Variants in EFNB3 observed in about 807,000 individuals in gnomAD.
EFNB3 encodes ephrin B3.
A neutral mutation model predicts 29.8 loss-of-function variants in EFNB3; 14 were observed. That is an observed-to-expected ratio of 0.47 (90% confidence interval 0.31 to 0.73). EFNB3 has a LOEUF of 0.73. EFNB3 is among the 30% of genes least tolerant of loss of function. The probability of loss-of-function intolerance (pLI) is 0.05; values close to 1 mark genes in which losing one functional copy is unlikely to be tolerated. For synonymous variants in EFNB3, 216 were observed against 191.6 expected, an observed-to-expected ratio of 1.13 and a Z score of -1.05; for missense variants, 408 against 458.0, an observed-to-expected ratio of 0.89 and a Z score of 1.00.
intron 1 of EFNB3, among the ~76,000 whole-genome samples, chr17:7,706,642 G>A (rs2074328584): frequency 6.6e-6 from 1 of 152,192 alleles, no homozygotes; most frequent in Non-Finnish European, 1.5e-5. Context: ...CATGGGAAGG[G>A]GGTGGGCTTT....
Position 7,705,807 on chromosome 17 carries a change from A to T in EFNB3, c.122+87A>T, listed in dbSNP as rs1013397038. ...GGCTTGGAGGCGGGCTTCTGTGGGC[A>T]GGGAGGAGGCGGGAGGGAAGGTGCT... On this transcript the variant is annotated intron_variant, in intron 1 of 4. Coordinates refer to ENST00000226091, the MANE Select transcript of EFNB3 (RefSeq NM_001406.4). This position sits in a 1 kb window ranked among gnomAD's most constrained non-coding sequence, Gnocchi z 5.4. 5 of 1,454,990 alleles carry T rather than the reference A, an allele frequency of 3.4e-6. No individual in the cohort carries two copies. The highest frequency in any genetic ancestry group is 3.0e-5 in the African/African-American group (2 of 66,676). The allele number at this position is 1,454,990 out of a possible 1,614,324, so 90.1% of individuals were successfully genotyped here.
In EFNB3 at chr17:7,705,389, G is replaced by T. The variant is rs370872522; in HGVS notation, c.-210G>T. The T allele has an allele frequency of 3.0e-4, 118 of 389,854 alleles. 2 individuals carry two copies. The South Asian group carries it at 6.7e-3, about 22-fold the overall frequency. 24.1% of individuals were successfully genotyped at this position (389,854 alleles called of 1,614,324 possible). A position where few individuals can be genotyped will look rare whatever the true frequency, so the allele number is the denominator to read the frequency against. ...CGCGTGGGCCGGGGGCGCGTAGGGCGCCTGCAGACGGCCCCTGGAAGGGCT... is the reference window on the plus strand; with the variant it reads ...CGCGTGGGCCGGGGGCGCGTAGGGCTCCTGCAGACGGCCCCTGGAAGGGCT... On this transcript the variant is annotated 5_prime_UTR_variant, in exon 1 of 5. Transcript: ENST00000226091. This position sits in a 1 kb window ranked among gnomAD's most constrained non-coding sequence, Gnocchi z 5.4.
intron 1 of EFNB3, among the ~76,000 whole-genome samples, 156 bp from the exon 2 acceptor site, chr17:7,707,802 G>A (rs975019470): frequency 4.6e-5 from 7 of 152,162 alleles, no homozygotes; most frequent in African/African-American, 2.4e-5. Flanking sequence ...AGTCCTTGGT[G>A]CCTGCTCTAT....
Position 7,709,388 on chromosome 17 carries a change from G to A in EFNB3, c.835G>A (p.Gly279Ser). ...GAGGGGAGGGTCTCTGGGCCTGGGG[G>A]GTGGAGGTGGGATGGGACCTCGGGA... ...FGRGGSLGLG[G>S]GGGMGPREAE... Residue 279 changes from glycine (G) to serine (S), a missense_variant, in exon 5 of 5, where the codon GGT becomes AGT. Physicochemically the swap from Gly to Ser is moderately conservative, Grantham distance 56. Around this residue, in one of 3 missense-constraint regions of EFNB3, gnomAD observed 233 missense variants for 230.7 expected, o/e 1.01. Coordinates refer to ENST00000226091, the MANE Select transcript of EFNB3 (RefSeq NM_001406.4). This position sits in a 1 kb window ranked among gnomAD's most constrained non-coding sequence, Gnocchi z 4.5. The A allele has an allele frequency of 1.9e-6, 3 of 1,597,266 alleles. No homozygotes were observed. The highest frequency in any genetic ancestry group is 1.1e-5 in the South Asian group (1 of 89,392).
Position 7,705,457 on chromosome 17 carries a change from A to G in EFNB3, c.-142A>G. The G allele has an allele frequency of 3.9e-6, 2 of 517,770 alleles. No individual in the cohort carries two copies. The highest frequency in any genetic ancestry group is 3.3e-6 in the Non-Finnish European group (1 of 301,404). The allele number at this position is 517,770 out of a possible 1,614,324, so 32.1% of individuals were successfully genotyped here. Reference sequence around the variant, plus strand: ...TCTGCCGCGGGGGCGCGGGCACAGCAGGAAGCAGGTCCGCGTGGGCGCTGG... The same window carrying G: ...TCTGCCGCGGGGGCGCGGGCACAGCGGGAAGCAGGTCCGCGTGGGCGCTGG... On this transcript the variant is annotated 5_prime_UTR_variant, in exon 1 of 5. Coordinates refer to ENST00000226091, the MANE Select transcript of EFNB3 (RefSeq NM_001406.4). The surrounding 1 kb of genome is among the most constrained non-coding windows in gnomAD (Gnocchi z 5.4).
At position 7,709,233 on chromosome 17, in the gene EFNB3, C is replaced by A. The variant is rs1225183366; in HGVS notation, c.680C>A (p.Ala227Glu). 1 of 1,602,244 alleles carries A rather than the reference C, an allele frequency of 6.2e-7. No individual in the cohort carries two copies. The highest frequency in any genetic ancestry group is 1.1e-5 in the South Asian group (1 of 90,382). ...EGPLPPPSMP[A>E]VAGAAGGLAL... ...CCCCTGCCCCCTCCCAGCATGCCTGCAGTGGCTGGGGCAGCAGGGGGGCTG... is the reference window on the plus strand; with the variant it reads ...CCCCTGCCCCCTCCCAGCATGCCTGAAGTGGCTGGGGCAGCAGGGGGGCTG... The change falls in exon 5 of 5, where the codon GCA (alanine) becomes GAA (glutamate). Residue 227 changes from alanine (A) to glutamate (E), a missense_variant. Physicochemically the swap from Ala to Glu is moderately radical, Grantham distance 107. Around this residue, in one of 3 missense-constraint regions of EFNB3, gnomAD observed 233 missense variants for 230.7 expected, o/e 1.01. Transcript: ENST00000226091. This position sits in a 1 kb window ranked among gnomAD's most constrained non-coding sequence, Gnocchi z 4.5.
At position 7,708,821 on chromosome 17, in the gene EFNB3, C is replaced by T; in HGVS notation, c.613+82C>T. 7.7e-7 allele frequency: 1 copy of T among 1,291,146 alleles called. No individual in the cohort carries two copies. Among genetic ancestry groups the T allele is most frequent in the Non-Finnish European group, 1.1e-6 (1 of 950,556 alleles). The allele number at this position is 1,291,146 out of a possible 1,614,324, so 80.0% of individuals were successfully genotyped here. A position where few individuals can be genotyped will look rare whatever the true frequency, so the allele number is the denominator to read the frequency against. ...AGCTGCCCTGCCGTCACCCTCCCTCCCTCTTCAGTTTTGGGGGCGGTGATA... is the reference window on the plus strand; with the variant it reads ...AGCTGCCCTGCCGTCACCCTCCCTCTCTCTTCAGTTTTGGGGGCGGTGATA... On this transcript the variant is annotated intron_variant, in intron 4 of 4. Transcript: ENST00000226091. The surrounding 1 kb of genome is among the most constrained non-coding windows in gnomAD (Gnocchi z 6.8).
chr17:7,709,932 G>A lies in EFNB3; in HGVS notation c.*356G>A, dbSNP rs1026711448. 3.0e-5 allele frequency: 12 copies of A among 393,966 alleles called. No individual in the cohort carries two copies. The highest frequency in any genetic ancestry group is 1.1e-4 in the African/African-American group (5 of 46,612). The allele number at this position is 393,966 out of a possible 1,614,324, so 24.4% of individuals were successfully genotyped here. On this transcript the variant is annotated 3_prime_UTR_variant, in exon 5 of 5. Coordinates refer to ENST00000226091, the MANE Select transcript of EFNB3 (RefSeq NM_001406.4). This position sits in a 1 kb window ranked among gnomAD's most constrained non-coding sequence, Gnocchi z 4.5. The stretch of plus-strand genomic sequence containing the variant: ...AACAGCCCACCTTTTGGTTGGCACC[G>A]CCTTCTTTCTGCCTCTCACTGGTTT...
chr17:7,710,446 C>T lies in EFNB3; in HGVS notation c.*870C>T, dbSNP rs1446380755. 5 of 152,756 alleles carry T rather than the reference C, an allele frequency of 3.3e-5. No individual in the cohort carries two copies. The highest frequency in any genetic ancestry group is 7.2e-5 in the African/African-American group (3 of 41,470). 9.5% of individuals were successfully genotyped at this position (152,756 alleles called of 1,614,324 possible). ...GCTCCAGACAAGAGGTGACCAGGCC[C>T]GGACAGAAATGGCCTGGGAAGTAGC... On this transcript the variant is annotated 3_prime_UTR_variant, in exon 5 of 5. Coordinates refer to ENST00000226091, the MANE Select transcript of EFNB3 (RefSeq NM_001406.4).
Position 7,709,368 on chromosome 17 carries a change from G to A in EFNB3, c.815G>A (p.Gly272Glu). ...RHPGPGSFGRGGSLGLGGGGG... is the reference protein window; with the variant it reads ...RHPGPGSFGREGSLGLGGGGG... ...CCTGGTCCTGGCTCCTTCGGGAGGG[G>A]AGGGTCTCTGGGCCTGGGGGGTGGA... Residue 272 changes from glycine (G) to glutamate (E), a missense_variant, in exon 5 of 5, where the codon GGA (glycine) becomes GAA (glutamate). Physicochemically the swap from Gly to Glu is moderately conservative, Grantham distance 98. Around this residue, in one of 3 missense-constraint regions of EFNB3, gnomAD observed 233 missense variants for 230.7 expected, o/e 1.01. Transcript: ENST00000226091. The surrounding 1 kb of genome is among the most constrained non-coding windows in gnomAD (Gnocchi z 4.5). The A allele has an allele frequency of 6.3e-7, 1 of 1,580,958 alleles. No individual in the cohort carries two copies. The highest frequency in any genetic ancestry group is 1.1e-5 in the South Asian group (1 of 87,062).
rs1411265500 is a variant in EFNB3 at position 7,709,109 on chromosome 17, G to A, written c.614-58G>A. ...GACCCCCAGGGTTGGGTGTCCAGGT[G>A]CCCAGGTGGCTCCTTCAGTCCCTCC... is the stretch of plus-strand genomic sequence containing the variant. On this transcript the variant is annotated intron_variant, in intron 4 of 4. Coordinates refer to ENST00000226091, the MANE Select transcript of EFNB3 (RefSeq NM_001406.4). This position sits in a 1 kb window ranked among gnomAD's most constrained non-coding sequence, Gnocchi z 4.5. 3 of 1,546,040 alleles carry A rather than the reference G, an allele frequency of 1.9e-6. No homozygotes were observed. Among genetic ancestry groups the A allele is most frequent in the East Asian group, 2.3e-5 (1 of 44,204 alleles).
At chr17:7,706,633 A>T (rs1216284102) in intron 1 of EFNB3, among the ~76,000 whole-genome samples, 4 of 152,166 alleles carry the variant, frequency 2.6e-5, no homozygotes, top group Non-Finnish European at 4.4e-5. Flanking sequence ...GTGTGAGGCC[A>T]TGGGAAGGGG....
At chr17:7,707,833 G>A in intron 1 of EFNB3, 125 bp from the exon 2 acceptor site, 1 of 1,131,078 alleles carries the variant, frequency 8.8e-7, no homozygotes, top group Non-Finnish European at 1.3e-6. Context: ...TTTCCACTCA[G>A]ACAAAGGCGG....
chr17:7,708,143 C>T lies in EFNB3; in HGVS notation c.308C>T (p.Thr103Ile). 1 of 1,614,094 alleles carries T rather than the reference C, an allele frequency of 6.2e-7. No homozygotes were observed. The highest frequency in any genetic ancestry group is 1.1e-5 in the South Asian group (1 of 91,084). The part of the protein sequence containing the change: ...EAPPAPNLLL[T>I]CDRPDLDLRF... ...CCCCCTGCCCCAAACCTCCTTCTCA[C>T]TTGTGATCGCCCAGACCTGGATCTC... The change falls in exon 2 of 5, where the codon ACT becomes ATT. Residue 103 changes from threonine to isoleucine, a missense_variant. This residue lies in a region of EFNB3 where 128 missense variants were observed against 140.8 expected (regional missense o/e 0.91). Transcript: ENST00000226091. The surrounding 1 kb of genome is among the most constrained non-coding windows in gnomAD (Gnocchi z 6.8).
Position 7,705,641 on chromosome 17 carries a change from G to T in EFNB3, c.43G>T (p.Ala15Ser), listed in dbSNP as rs745564479. 2.0e-6 allele frequency: 3 copies of T among 1,519,054 alleles called. No homozygotes were observed. The highest frequency in any genetic ancestry group is 5.3e-5 in the East Asian group (2 of 37,990). 94.1% of individuals were successfully genotyped at this position (1,519,054 alleles called of 1,614,324 possible). A position where few individuals can be genotyped will look rare whatever the true frequency, so the allele number is the denominator to read the frequency against. The change falls in exon 1 of 5, where the codon GCC becomes TCC. Residue 15 changes from alanine to serine, a missense_variant. Coordinates refer to ENST00000226091, the MANE Select transcript of EFNB3 (RefSeq NM_001406.4). This position sits in a 1 kb window ranked among gnomAD's most constrained non-coding sequence, Gnocchi z 5.4. ...HSGPGGVRVGALLLLGVLGLV... is the reference protein window; with the variant it reads ...HSGPGGVRVGSLLLLGVLGLV... ...TGGGCCGGGGGGCGTGCGAGTCGGG[G>T]CCCTGCTGCTGCTGGGGGTTTTGGG...
At position 7,709,550 on chromosome 17, in the gene EFNB3, C is replaced by T. The variant is rs962663238; in HGVS notation, c.997C>T (p.Pro333Ser). 3 of 1,613,802 alleles carry T rather than the reference C, an allele frequency of 1.9e-6. No homozygotes were observed. In the African/African-American group the frequency reaches 4.0e-5, roughly 22 times the overall value. The change falls in exon 5 of 5, where the codon CCT becomes TCT. Residue 333 changes from proline to serine, a missense_variant. Coordinates refer to ENST00000226091, the MANE Select transcript of EFNB3 (RefSeq NM_001406.4). This position sits in a 1 kb window ranked among gnomAD's most constrained non-coding sequence, Gnocchi z 4.5. ...YIVQDGPPQS[P>S]PNIYYKV ...CGTGCAGGATGGGCCCCCCCAGAGC[C>T]CTCCAAACATCTACTACAAGGTATG...
rs949995760 is a variant in EFNB3, at chr17:7,708,365, C to G, written c.416-70C>G. ...CAGTGCCCTCAGGCAGTGTTCACAC[C>G]AGGGTGTGGGGCCAGAATCAGGGCT... On this transcript the variant is annotated intron_variant, in intron 2 of 4. Coordinates refer to ENST00000226091, the MANE Select transcript of EFNB3 (RefSeq NM_001406.4). The surrounding 1 kb of genome is among the most constrained non-coding windows in gnomAD (Gnocchi z 6.8). 5 of 1,587,606 alleles carry G rather than the reference C, an allele frequency of 3.1e-6. No individual in the cohort carries two copies. The African/African-American group carries it at 6.7e-5, about 21-fold the overall frequency.
Position 7,709,349 on chromosome 17 carries a change from C to A in EFNB3, c.796C>A (p.Pro266Thr). The change falls in exon 5 of 5, where the codon CCT becomes ACT. Residue 266 changes from proline to threonine, a missense_variant. Pro to Thr is a conservative substitution (Grantham distance 38, BLOSUM62 -1). Coordinates refer to ENST00000226091, the MANE Select transcript of EFNB3 (RefSeq NM_001406.4). This position sits in a 1 kb window ranked among gnomAD's most constrained non-coding sequence, Gnocchi z 4.5. ...AKPSESRHPG[P>T]GSFGRGGSLG... Reference sequence around the variant, plus strand: ...GCCTTCGGAGAGTCGCCACCCTGGTCCTGGCTCCTTCGGGAGGGGAGGGTC... The same window carrying A: ...GCCTTCGGAGAGTCGCCACCCTGGTACTGGCTCCTTCGGGAGGGGAGGGTC... 6.3e-7 allele frequency: 1 copy of A among 1,575,868 alleles called. No homozygotes were observed. Among genetic ancestry groups the A allele is most frequent in the South Asian group, 1.2e-5 (1 of 86,210 alleles).
rs779903044 is a variant in EFNB3, at chr17:7,709,525, C to T, written c.972C>T (p.Ile324=). The T allele has an allele frequency of 3.4e-5, 55 of 1,613,788 alleles. No individual in the cohort carries two copies. In the Middle Eastern group the frequency reaches 4.9e-4, roughly 14 times the overall value. ...GTGACTATGGGCATCCTGTGTATAT[C>T]GTGCAGGATGGGCCCCCCCAGAGCC... is the stretch of plus-strand genomic sequence containing the variant. ...VSGDYGHPVY[I]VQDGPPQSPP... The change falls in exon 5 of 5, where the codon ATC becomes ATT. Residue 324 remains isoleucine, a synonymous_variant. Coordinates refer to ENST00000226091, the MANE Select transcript of EFNB3 (RefSeq NM_001406.4). The surrounding 1 kb of genome is among the most constrained non-coding windows in gnomAD (Gnocchi z 4.5).
Sources: allele counts gnomAD v4.1 joint callset (sites outside exome capture counted in the v4.1 genomes callset), GRCh38; gene constraint gnomAD v4.1.1; regional missense constraint gnomAD v4.1.1; non-coding constraint Gnocchi (gnomAD v3.1); transcripts MANE v1.5; gene names NCBI Gene and HGNC (gene_info 2026-07-23, HGNC 2026-07-21).